Variants in PCSK9 observed in about 807,000 individuals in gnomAD.
PCSK9 encodes proprotein convertase subtilisin/kexin type 9.
PCSK9 carries 57 observed loss-of-function variants against 62.1 expected under a neutral mutation model. The observed-to-expected ratio is 0.92, with a 90% CI of 0.74 to 1.14. PCSK9 has a LOEUF of 1.14. PCSK9 is among the 50% of genes most tolerant of loss of function. PCSK9 has a pLI of 0.00. For synonymous variants in PCSK9, 387 were observed against 409.4 expected (o/e 0.95, Z 0.66); for missense variants, 870 against 959.8 (o/e 0.91, Z 1.24).
At position 55,059,355 on chromosome 1, in the gene PCSK9, C is replaced by G. The variant is rs1388123080; in HGVS notation, c.1504-131C>G. ...TGGGCAGGAGTGAGCTCCTTGTCCC[C>G]AGAAGGCTGGGTCTGGCTGGCCCCT... On this transcript the variant is annotated intron_variant, in intron 9 of 11. Transcript: ENST00000302118. 12 of 1,185,762 alleles carry G rather than the reference C, an allele frequency of 1.0e-5. No homozygotes were observed. In the East Asian group the frequency reaches 3.1e-4, roughly 30 times the overall value. 73.5% of individuals were successfully genotyped at this position (1,185,762 alleles called of 1,614,324 possible). A position where few individuals can be genotyped will look rare whatever the true frequency, so the allele number is the denominator to read the frequency against.
rs1008906793 is a variant in PCSK9 at position 55,043,927 on chromosome 1, C to T, written c.292C>T (p.Leu98=). The change falls in exon 2 of 12, where the codon CTG becomes TTG. Residue 98 remains leucine, a synonymous_variant. Transcript: ENST00000302118. ...LSQSERTARR[L]QAQAARRGYL... Reference sequence around the variant, plus strand: ...GCAGTCAGAGCGCACTGCCCGCCGCCTGCAGGCCCAGGCTGCCCGCCGGGG... The same window carrying T: ...GCAGTCAGAGCGCACTGCCCGCCGCTTGCAGGCCCAGGCTGCCCGCCGGGG... 1 of 1,614,216 alleles carries T rather than the reference C, an allele frequency of 6.2e-7. No homozygotes were observed. Among genetic ancestry groups the T allele is most frequent in the Non-Finnish European group, 8.5e-7 (1 of 1,180,034 alleles).
Position 55,057,417 on chromosome 1 carries a change from C to T in PCSK9, c.1083C>T (p.Leu361=), listed in dbSNP as rs1644723761. 1 of 1,614,144 alleles carries T rather than the reference C, an allele frequency of 6.2e-7. No homozygotes were observed. Among genetic ancestry groups the T allele is most frequent in the Non-Finnish European group, 8.5e-7 (1 of 1,180,042 alleles). Residue 361 remains leucine, a synonymous_variant, in exon 7 of 12, where the codon CTC becomes CTT. Coordinates refer to ENST00000302118, the MANE Select transcript of PCSK9 (RefSeq NM_174936.4). ...LGTNFGRCVD[L]FAPGEDIIGA... is the part of the protein sequence containing the mutation. ...CCAACTTTGGCCGCTGTGTGGACCTCTTTGCCCCAGGGGAGGACATCATTG... is the reference window on the plus strand; with the variant it reads ...CCAACTTTGGCCGCTGTGTGGACCTTTTTGCCCCAGGGGAGGACATCATTG...
chr1:55,046,388 C>T, intron 2 of PCSK9, 135 bp from the exon 3 acceptor site: 1 of 1,363,932 alleles, frequency 7.3e-7, no homozygotes, highest in East Asian at 2.3e-5. Flanking sequence ...CTCCGGGGCA[C>T]TAGCAGGGAC....
rs1557505505 is a variant in PCSK9, at chr1:55,056,040, C to CTGG, written c.853_855dup (p.Val285dup). On this transcript the variant is annotated inframe_insertion, in exon 6 of 12. Coordinates refer to ENST00000302118, the MANE Select transcript of PCSK9 (RefSeq NM_174936.4). ...CCAGCTGGTCCAGCCTGTGGGGCCACTGGTGGTGCTGCTGCCCCTGGCGGG... is the reference window on the plus strand; with the variant it reads ...CCAGCTGGTCCAGCCTGTGGGGCCACTGGTGGTGGTGCTGCTGCCCCTGGCGGG... 1 of 1,609,750 alleles carries CTGG rather than the reference C, an allele frequency of 6.2e-7. No individual in the cohort carries two copies. The highest frequency in any genetic ancestry group is 1.1e-5 in the South Asian group (1 of 90,584).
rs541706761 is a variant in PCSK9 at position 55,040,349 on chromosome 1, G to A, written c.207+305G>A. On this transcript the variant is annotated intron_variant, in intron 1 of 11. Coordinates refer to ENST00000302118, the MANE Select transcript of PCSK9 (RefSeq NM_174936.4). This position sits in a 1 kb window ranked among gnomAD's most constrained non-coding sequence, Gnocchi z 4.1. Reference sequence around the variant, plus strand: ...CGGAGGCCGAGGAAGGGCGAGCAGAGCACTGCCAGGATATCCTGCCCAGAT... The same window carrying A: ...CGGAGGCCGAGGAAGGGCGAGCAGAACACTGCCAGGATATCCTGCCCAGAT... 7.2e-5 allele frequency among the ~76,000 whole-genome samples: 11 copies of A among 152,336 alleles called. No individual in the cohort carries two copies. The highest frequency in any genetic ancestry group is 2.6e-4 in the African/African-American group (11 of 41,580).
At chr1:55,057,884 A>C in intron 7 of PCSK9, 152 bp from the exon 8 acceptor site, 1 of 1,061,718 alleles carries the variant, frequency 9.4e-7, no homozygotes, top group Non-Finnish European at 1.4e-6. Context: ...CTGAGTAAGG[A>C]CTGCAGGCGG....
In PCSK9 at chr1:55,052,070, C is replaced by T. The variant is rs560328715; in HGVS notation, c.524-208C>T. ...CCAGCTGATGGCCTTGGACAGTTACCTGCCCTCTCTAGGCCTCCCTTTCCT... is the reference window on the plus strand; with the variant it reads ...CCAGCTGATGGCCTTGGACAGTTACTTGCCCTCTCTAGGCCTCCCTTTCCT... On this transcript the variant is annotated intron_variant, in intron 3 of 11. Transcript: ENST00000302118. 47 of 708,014 alleles carry T rather than the reference C, an allele frequency of 6.6e-5. No individual in the cohort carries two copies. In the African/African-American group the frequency reaches 7.2e-4, roughly 11 times the overall value. The allele number at this position is 708,014 out of a possible 1,614,324, so 43.9% of individuals were successfully genotyped here.
Position 55,063,414 on chromosome 1 carries a change from G to A in PCSK9, c.1909G>A (p.Ala637Thr), listed in dbSNP as rs1644777349. 6.2e-7 allele frequency: 1 copy of A among 1,613,912 alleles called. No individual in the cohort carries two copies. Among genetic ancestry groups the A allele is most frequent in the Non-Finnish European group, 8.5e-7 (1 of 1,179,960 alleles). ...EEGWTLTGCS[A>T]LPGTSHVLGA... ...GGGCTGGACCCTGACTGGCTGCAGTGCCCTCCCTGGGACCTCCCACGTCCT... is the reference window on the plus strand; with the variant it reads ...GGGCTGGACCCTGACTGGCTGCAGTACCCTCCCTGGGACCTCCCACGTCCT... Residue 637 changes from alanine to threonine, a missense_variant, in exon 12 of 12, where the codon GCC becomes ACC. Ala to Thr is a moderately conservative substitution (Grantham distance 58). Transcript: ENST00000302118.
Position 55,061,043 on chromosome 1 carries a change from C to T in PCSK9, c.1682-332C>T, listed in dbSNP as rs28362275. 2.4e-3 allele frequency among the ~76,000 whole-genome samples: 360 copies of T among 152,300 alleles called. 2 individuals are homozygous for T. The highest frequency in any genetic ancestry group is 8.4e-3 in the African/African-American group (350 of 41,576). On this transcript the variant is annotated intron_variant, in intron 10 of 11. Transcript: ENST00000302118. ...CCCTTGAACTTCTGCCTGCTGGCTG[C>T]ATAGGGAGGGGCTGGGGGGAGTTTG... is the stretch of plus-strand genomic sequence containing the variant.
At chr1:55,052,844 G>T (rs1354704814) in intron 5 of PCSK9, 53 bp downstream of exon 5, 4 of 1,611,888 alleles carry the variant, frequency 2.5e-6, no homozygotes, top group Admixed American at 1.7e-5. Flanking sequence ...TGGCCTGGGA[G>T]GTGGCTTGGG....
intron 8 of PCSK9, 92 bp downstream of exon 8, chr1:55,058,301 A>T: frequency 6.6e-7 from 1 of 1,518,360 alleles, no homozygotes; most frequent in Non-Finnish European, 9.0e-7. Flanking sequence ...TGTCTGTGTA[A>T]GGAGGATGAC....
chr1:55,047,230 G>C (rs1570296645), intron 3 of PCSK9, among the ~76,000 whole-genome samples: 1 of 152,232 alleles, frequency 6.6e-6, no homozygotes, highest in African/African-American at 2.4e-5. Flanking sequence ...ATGGAAAACG[G>C]TCTGCATTCT....
intron 3 of PCSK9, among the ~76,000 whole-genome samples, chr1:55,047,576 G>A (rs774797541): frequency 5.3e-5 from 8 of 152,214 alleles, no homozygotes; most frequent in Non-Finnish European, 1.2e-4. Context: ...CCAATGAGTT[G>A]AAGGATGTGC....
chr1:55,045,046 C>A (rs1280227479), intron 2 of PCSK9, among the ~76,000 whole-genome samples: 1 of 152,166 alleles, frequency 6.6e-6, no homozygotes, highest in Admixed American at 6.5e-5. Flanking sequence ...ACAGCTCAGG[C>A]CTTTCCCTTG....
chr1:55,061,546 C>T lies in PCSK9; in HGVS notation c.1853C>T (p.Pro618Leu), dbSNP rs1324548567. ...CKVKEHGIPA[P>L]QEQVTVACEE... ...GTCAAGGAGCATGGAATCCCGGCCC[C>T]TCAGGAGCAGGTGAAGAGGCCCGTG... The change falls in exon 11 of 12, where the codon CCT becomes CTT. Residue 618 changes from proline (P) to leucine (L), a missense_variant. Transcript: ENST00000302118. 6.3e-7 allele frequency: 1 copy of T among 1,597,222 alleles called. No homozygotes were observed. Among genetic ancestry groups the T allele is most frequent in the Admixed American group, 1.7e-5 (1 of 57,490 alleles).
chr1:55,058,232 C>T, intron 8 of PCSK9, 23 bp downstream of exon 8: 1 of 1,607,818 alleles, frequency 6.2e-7, no homozygotes, highest in Non-Finnish European at 8.5e-7. Context: ...GCAGGGTGGG[C>T]AAGTCCAGGC....
In PCSK9 at chr1:55,063,419, C is replaced by G. The variant is rs948729146; in HGVS notation, c.1914C>G (p.Leu638=). ...EGWTLTGCSA[L]PGTSHVLGAY... is the part of the protein sequence containing the mutation. ...GGACCCTGACTGGCTGCAGTGCCCTCCCTGGGACCTCCCACGTCCTGGGGG... is the reference window on the plus strand; with the variant it reads ...GGACCCTGACTGGCTGCAGTGCCCTGCCTGGGACCTCCCACGTCCTGGGGG... Residue 638 remains leucine, a synonymous_variant, in exon 12 of 12, where the codon CTC becomes CTG. Coordinates refer to ENST00000302118, the MANE Select transcript of PCSK9 (RefSeq NM_174936.4). 5 of 1,613,816 alleles carry G rather than the reference C, an allele frequency of 3.1e-6. No homozygotes were observed. In the African/African-American group the frequency reaches 6.7e-5, roughly 22 times the overall value.
chr1:55,060,984 G>T (rs1380563030), intron 10 of PCSK9, among the ~76,000 whole-genome samples: 1 of 152,196 alleles, frequency 6.6e-6, no homozygotes, highest in Non-Finnish European at 1.5e-5. Context: ...CCCATGGAGG[G>T]CATTCTGAGG....
intron 5 of PCSK9, among the ~76,000 whole-genome samples, 168 bp from the exon 6 acceptor site, chr1:55,055,825 G>T (rs1644709829): frequency 6.6e-6 from 1 of 152,188 alleles, no homozygotes; most frequent in African/African-American, 2.4e-5. Flanking sequence ...TTAAATGTTA[G>T]TCACATCTAA....
Sources: allele counts gnomAD v4.1 joint callset (sites outside exome capture counted in the v4.1 genomes callset), GRCh38; gene constraint gnomAD v4.1.1; non-coding constraint Gnocchi (gnomAD v3.1); transcripts MANE v1.5; gene names NCBI Gene and HGNC (gene_info 2026-07-23, HGNC 2026-07-21).